Variants in LRRC27 observed in about 807,000 individuals in gnomAD.
LRRC27 encodes leucine rich repeat containing 27.
A neutral mutation model predicts 55.0 loss-of-function variants in LRRC27; 57 were observed. The ratio of observed to expected loss-of-function variants is 1.04; its 90% CI spans 0.84 to 1.29. The LOEUF (loss-of-function observed/expected upper bound fraction) is 1.29, where lower values mean the gene tolerates loss of function less well. Ranked by LOEUF, LRRC27 falls within the 50% of genes most tolerant of loss-of-function variation. The pLI is 0.00. For synonymous variants in LRRC27, 278 were observed against 251.9 expected, an observed-to-expected ratio of 1.10 and a Z score of -0.98; for missense variants, 721 against 651.5, an observed-to-expected ratio of 1.11 and a Z score of -1.16.
rs1241697428 is a variant in LRRC27 at position 132,374,124 on chromosome 10, TGCTGTG to T, written c.1417-941_1417-936del. Among the ~76,000 whole-genome samples, 3 of 132,088 alleles carry T rather than the reference TGCTGTG, an allele frequency of 2.3e-5. No individual in the cohort carries two copies. Among genetic ancestry groups the T allele is most frequent in the African/African-American group, 9.9e-5 (3 of 30,370 alleles). The allele number at this position is 132,088 out of a possible 152,430, so 86.7% of individuals were successfully genotyped here. A position where few individuals can be genotyped will look rare whatever the true frequency, so the allele number is the denominator to read the frequency against. ...AGGGGGTGCAGTGGCTCCAGGGACC[TGCTGTG>T]ATTATGGCTGCATGGTGAGGGGGTG... On this transcript the variant is annotated intron_variant, in intron 10 of 10. Transcript: ENST00000368614. The surrounding 1 kb of genome is among the most constrained non-coding windows in gnomAD (Gnocchi z 4.4).
intron 10 of LRRC27, among the ~76,000 whole-genome samples, chr10:132,373,476 T>C (rs2133111477): frequency 6.6e-6 from 1 of 151,878 alleles, no homozygotes; most frequent in Non-Finnish European, 1.5e-5. Flanking sequence ...GGGGAGAGGA[T>C]CACACAGAAC....
chr10:132,339,102 G>A (rs2067270000), intron 3 of LRRC27, among the ~76,000 whole-genome samples: 1 of 152,176 alleles, frequency 6.6e-6, no homozygotes, highest in Non-Finnish European at 1.5e-5. Flanking sequence ...CCTGGGCGTG[G>A]CTGGCCACGG....
At chr10:132,339,243 C>T (rs937678879) in intron 3 of LRRC27, among the ~76,000 whole-genome samples, 23 of 152,170 alleles carry the variant, frequency 1.5e-4, no homozygotes, top group Non-Finnish European at 3.1e-4. Flanking sequence ...TGGTGGCCTC[C>T]GTGGGACAGT....
intron 9 of LRRC27, among the ~76,000 whole-genome samples, chr10:132,364,765 T>C (rs113053783): frequency 0.19 from 215 of 1,152 alleles, 1 homozygote; most frequent in Admixed American, 0.38. Flanking sequence ...CTTACACTCA[T>C]GCTTACATCT....
intron 10 of LRRC27, chr10:132,366,927 C>T (rs1165828926): frequency 7.8e-7 from 1 of 1,284,526 alleles, no homozygotes; most frequent in Non-Finnish European, 1.0e-6. Context: ...ACTCGGACCC[C>T]ACTTCTGAGA....
chr10:132,349,488 C>G (rs1203882523), intron 6 of LRRC27, among the ~76,000 whole-genome samples: 1 of 152,202 alleles, frequency 6.6e-6, no homozygotes, highest in African/African-American at 2.4e-5. Flanking sequence ...CTCGGACGCT[C>G]CAGCACGCTT....
Position 132,348,314 on chromosome 10 carries a change from T to C in LRRC27, c.884T>C (p.Leu295Ser). 6.2e-7 allele frequency: 1 copy of C among 1,613,828 alleles called. No individual in the cohort carries two copies. The highest frequency in any genetic ancestry group is 8.5e-7 in the Non-Finnish European group (1 of 1,179,886). Residue 295 changes from leucine (L) to serine (S), a missense_variant, in exon 6 of 11, where the codon TTG (leucine) becomes TCG (serine). Physicochemically the swap from Leu to Ser is moderately radical, Grantham distance 145. Coordinates refer to ENST00000368614, the MANE Select transcript of LRRC27 (RefSeq NM_030626.3). The surrounding 1 kb of genome is among the most constrained non-coding windows in gnomAD (Gnocchi z 4.2). ...RELPPNLKAA[L>S]NIEKELPKPR... ...TTACCTCCAAATCTCAAGGCGGCCT[T>C]GAACATTGAGAAAGAACTACCAAAG...
intron 6 of LRRC27, chr10:132,349,015 C>A (rs770817098): frequency 4.3e-6 from 7 of 1,611,106 alleles, no homozygotes; most frequent in East Asian, 2.2e-5. Context: ...GAGAAAAACT[C>A]GAATCATGGG....
chr10:132,330,584 T>C, upstream of LRRC27: 2 of 705,124 alleles, frequency 2.8e-6, no homozygotes, highest in Non-Finnish European at 2.6e-6. Context: ...CATAACTCAC[T>C]GCAGCCTCAA....
At chr10:132,349,592 A>T (rs1313256666) in intron 6 of LRRC27, among the ~76,000 whole-genome samples, 3 of 152,134 alleles carry the variant, frequency 2.0e-5, no homozygotes, top group African/African-American at 4.8e-5. Context: ...CCTCCCTTCA[A>T]ATATTTATTT....
intron 2 of LRRC27, among the ~76,000 whole-genome samples, chr10:132,334,742 C>G (rs900937508): frequency 6.6e-6 from 1 of 152,180 alleles, no homozygotes; most frequent in African/African-American, 2.4e-5. Flanking sequence ...ACAGGTGTCA[C>G]TTTTAATGAA....
chr10:132,355,692 A>G (rs1413061654), intron 7 of LRRC27, 98 bp from the exon 8 acceptor site: 3 of 888,876 alleles, frequency 3.4e-6, no homozygotes, highest in African/African-American at 3.3e-5. Context: ...TGCCCCCTGG[A>G]GACAGGTGCA....
intron 7 of LRRC27, among the ~76,000 whole-genome samples, chr10:132,352,488 C>T (rs111446103): frequency 0.023 from 1,339 of 58,976 alleles, 5 homozygotes; most frequent in Middle Eastern, 0.053. Context: ...GTGGGGCAGG[C>T]GCTGAGGCCT....
intron 2 of LRRC27, chr10:132,337,294 A>G (rs978525189): frequency 1.6e-6 from 2 of 1,260,924 alleles, no homozygotes; most frequent in Non-Finnish European, 2.0e-6. Flanking sequence ...GGATAGAAAC[A>G]GTGGTGTGCT....
upstream of LRRC27, chr10:132,330,438 C>T (rs1052281): frequency 0.39 from 279,272 of 713,326 alleles, 56,874 homozygotes; most frequent in African/African-American, 0.47. Flanking sequence ...GCCCGGGTGG[C>T]TGGCCTCCCC....
In LRRC27 at chr10:132,333,750, C is replaced by G. The variant is rs371264269; in HGVS notation, c.210+16C>G. 1 of 1,605,900 alleles carries G rather than the reference C, an allele frequency of 6.2e-7. No homozygotes were observed. Among genetic ancestry groups the G allele is most frequent in the Non-Finnish European group, 8.5e-7 (1 of 1,175,584 alleles). ...CAGCCTTCAAGTAAGTGGGGCTGCT[C>G]CTCAGGCTGTGTGCCCACAGGTCCC... On this transcript the variant is annotated intron_variant, in intron 2 of 10. Coordinates refer to ENST00000368614, the MANE Select transcript of LRRC27 (RefSeq NM_030626.3).
intron 5 of LRRC27, chr10:132,344,889 A>T (rs572615254): frequency 2.9e-4 from 116 of 394,984 alleles, no homozygotes; most frequent in African/African-American, 2.2e-3. Flanking sequence ...TTTTGGTAGA[A>T]GTTTATTGTG....
In LRRC27 at chr10:132,374,446, C is replaced by T. The variant is rs7091148; in HGVS notation, c.1417-620C>T. On this transcript the variant is annotated intron_variant, in intron 10 of 10. Transcript: ENST00000368614. The surrounding 1 kb of genome is among the most constrained non-coding windows in gnomAD (Gnocchi z 4.4). ...TCCTCAGTTTATCCACCTGAGGGCCCCCCGCAGTGCCCTCCTCAGCCTCAC... is the reference window on the plus strand; with the variant it reads ...TCCTCAGTTTATCCACCTGAGGGCCTCCCGCAGTGCCCTCCTCAGCCTCAC... Among the ~76,000 whole-genome samples, 26 of 152,090 alleles carry T rather than the reference C, an allele frequency of 1.7e-4. No homozygotes were observed. The highest frequency in any genetic ancestry group is 3.2e-4 in the Non-Finnish European group (22 of 67,984).
At chr10:132,355,201 G>A (rs542468443) in intron 7 of LRRC27, among the ~76,000 whole-genome samples, 7 of 151,936 alleles carry the variant, frequency 4.6e-5, no homozygotes, top group African/African-American at 1.7e-4. Flanking sequence ...TCAGCCTCCC[G>A]AGTAGCTGGA....
Sources: allele counts gnomAD v4.1 joint callset (sites outside exome capture counted in the v4.1 genomes callset), GRCh38; gene constraint gnomAD v4.1.1; non-coding constraint Gnocchi (gnomAD v3.1); transcripts MANE v1.5; gene names NCBI Gene and HGNC (gene_info 2026-07-23, HGNC 2026-07-21).